The following PRKCZ variants were observed in gnomAD, a reference collection of about 807,000 sequenced individuals.
PRKCZ encodes protein kinase C zeta.
In PRKCZ, 33 loss-of-function variants were observed where a neutral mutation model predicts 79.5. The observed-to-expected ratio is 0.41, with a 90% CI of 0.31 to 0.55. PRKCZ has a LOEUF of 0.55. PRKCZ is among the 20% of genes least tolerant of loss of function. PRKCZ has a pLI of 0.19. For synonymous variants in PRKCZ, 342 were observed against 320.9 expected (o/e 1.07, Z -0.70); for missense variants, 578 against 813.5 (o/e 0.71, Z 3.52).
At chr1:2,102,450 A>G (rs1053088192) in intron 4 of PRKCZ, among the ~76,000 whole-genome samples, 5 of 151,706 alleles carry the variant, frequency 3.3e-5, no homozygotes, top group African/African-American at 1.2e-4. Context: ...CTCCTGCCTC[A>G]GCCTCCCGAG....
At chr1:2,163,765 G>T (rs1682782021) in intron 10 of PRKCZ, among the ~76,000 whole-genome samples, 1 of 152,086 alleles carries the variant, frequency 6.6e-6, no homozygotes, top group Admixed American at 6.5e-5. Context: ...CAGGTGTGGT[G>T]GTGGGTGCCT....
At chr1:2,132,194 T>G (rs928769257) in intron 4 of PRKCZ, among the ~76,000 whole-genome samples, 4 of 152,190 alleles carry the variant, frequency 2.6e-5, no homozygotes, top group Admixed American at 6.5e-5. Flanking sequence ...GGGTTTGATT[T>G]TTGGTGTTTC....
At position 2,074,458 on chromosome 1, in the gene PRKCZ, G is replaced by A. The variant is rs1002216752; in HGVS notation, c.334+14867G>A. Among the ~76,000 whole-genome samples, 8 of 152,192 alleles carry A rather than the reference G, an allele frequency of 5.3e-5. No homozygotes were observed. The South Asian group carries it at 6.2e-4, about 12-fold the overall frequency. ...TCTGTGGGTCTGTCGGGGCCAGGAC[G>A]GATGGCCGCTTCGTCTCCATTCTGC... is the stretch of plus-strand genomic sequence containing the variant. On this transcript the variant is annotated intron_variant, in intron 4 of 17. Transcript: ENST00000378567.
At chr1:2,071,447 G>T (rs1661580833) in intron 4 of PRKCZ, 2 of 299,982 alleles carry the variant, frequency 6.7e-6, no homozygotes, top group South Asian at 4.9e-5. Flanking sequence ...TGGGTGGGCG[G>T]GTTACCACGG....
intron 2 of PRKCZ, 43 bp downstream of exon 2, chr1:2,055,605 G>C: frequency 6.3e-7 from 1 of 1,589,588 alleles, no homozygotes; most frequent in Non-Finnish European, 8.6e-7. Context: ...AGCCTCAGGG[G>C]ACTTCGCCAG....
chr1:2,135,081 G>A (rs1675903856), intron 4 of PRKCZ, 181 bp from the exon 5 acceptor site: 1 of 544,524 alleles, frequency 1.8e-6, no homozygotes, highest in Admixed American at 3.4e-5. Context: ...ACACCATGAG[G>A]ATCATGTGAG....
In PRKCZ at chr1:2,145,945, G is replaced by C. The variant is rs113773562; in HGVS notation, c.553-82G>C. 430 of 1,279,428 alleles carry C rather than the reference G, an allele frequency of 3.4e-4. 1 individual carries two copies. The African/African-American group carries it at 5.7e-3, about 17-fold the overall frequency. 79.3% of individuals were successfully genotyped at this position (1,279,428 alleles called of 1,614,324 possible). On this transcript the variant is annotated intron_variant, in intron 6 of 17. Coordinates refer to ENST00000378567, the MANE Select transcript of PRKCZ (RefSeq NM_002744.6). ...AAAAAAAAGTTCTTAATTTTAAAAA[G>C]TCACAAAGTGTTTACAGAAGCTACA...
At position 2,171,304 on chromosome 1, in the gene PRKCZ, T is replaced by A. The variant is rs574024835; in HGVS notation, c.1062-751T>A. 4.4e-4 allele frequency among the ~76,000 whole-genome samples: 64 copies of A among 144,642 alleles called. 1 individual carries two copies. The highest frequency in any genetic ancestry group is 7.2e-3 in the Middle Eastern group (2 of 278). The allele number at this position is 144,642 out of a possible 152,430, so 94.9% of individuals were successfully genotyped here. A position where few individuals can be genotyped will look rare whatever the true frequency, so the allele number is the denominator to read the frequency against. ...TTACAGTGAGCCAAGATCGCGCCAT[T>A]GCACTCCAGCCTGGGTGACAGAGTG... On this transcript the variant is annotated intron_variant, in intron 11 of 17. Coordinates refer to ENST00000378567, the MANE Select transcript of PRKCZ (RefSeq NM_002744.6).
In PRKCZ at chr1:2,131,477, A is replaced by G. The variant is rs745861855; in HGVS notation, c.335-3785A>G. 2.8e-4 allele frequency among the ~76,000 whole-genome samples: 43 copies of G among 152,210 alleles called. 1 individual carries two copies. The highest frequency in any genetic ancestry group is 5.1e-4 in the Non-Finnish European group (35 of 68,034). The stretch of plus-strand genomic sequence containing the variant: ...AGTTCAAAACCAACCCTTAAAGTTT[A>G]AAAAGTGAGATGGGATATTTGAAGG... On this transcript the variant is annotated intron_variant, in intron 4 of 17. Coordinates refer to ENST00000378567, the MANE Select transcript of PRKCZ (RefSeq NM_002744.6).
At chr1:2,076,796 G>A (rs1277313056) in intron 4 of PRKCZ, among the ~76,000 whole-genome samples, 9 of 151,812 alleles carry the variant, frequency 5.9e-5, no homozygotes, top group East Asian at 5.8e-4. Flanking sequence ...TGAACCAGTC[G>A]GTCGTCCAGT....
chr1:2,165,090 T>G lies in PRKCZ; in HGVS notation c.975-4428T>G, dbSNP rs551796277. On this transcript the variant is annotated intron_variant, in intron 10 of 17. Transcript: ENST00000378567. This position sits in a 1 kb window ranked among gnomAD's most constrained non-coding sequence, Gnocchi z 4.1. ...CTGGGCACTTTCTGGCCTTTTATCT[T>G]TGATGGAGAAATCCGAGGCCTGCCA... Among the ~76,000 whole-genome samples the G allele has an allele frequency of 2.6e-5, 4 of 152,360 alleles. No individual in the cohort carries two copies. Among genetic ancestry groups the G allele is most frequent in the Middle Eastern group, 6.8e-3 (2 of 294 alleles).
chr1:2,107,446 A>G (rs531261285), intron 4 of PRKCZ, among the ~76,000 whole-genome samples: 1 of 152,338 alleles, frequency 6.6e-6, no homozygotes, highest in African/African-American at 2.4e-5. Context: ...TGACTGATGC[A>G]TGTGGGGGCT....
At chr1:2,132,421 C>G (rs1675169616) in intron 4 of PRKCZ, among the ~76,000 whole-genome samples, 1 of 152,196 alleles carries the variant, frequency 6.6e-6, no homozygotes, top group African/African-American at 2.4e-5. Context: ...GCAAATGGTC[C>G]TCGTTTCTGA....
chr1:2,103,974 C>A (rs1356294551), intron 4 of PRKCZ, among the ~76,000 whole-genome samples: 1 of 152,222 alleles, frequency 6.6e-6, no homozygotes, highest in South Asian at 2.1e-4. Context: ...TGGACCCCTG[C>A]CCAACATTTG....
At chr1:2,104,977 C>T in intron 4 of PRKCZ, 1 of 960,412 alleles carries the variant, frequency 1.0e-6, no homozygotes, top group Non-Finnish European at 1.2e-6. Context: ...CTCACCCCGA[C>T]AGCCACCCTG....
intron 4 of PRKCZ, among the ~76,000 whole-genome samples, chr1:2,113,833 G>T (rs1670213333): frequency 6.6e-6 from 1 of 152,082 alleles, no homozygotes; most frequent in Non-Finnish European, 1.5e-5. Flanking sequence ...CAAGGAGGAG[G>T]GAGGTCAAGG....
At chr1:2,071,320 G>C in intron 4 of PRKCZ, 1 of 469,246 alleles carries the variant, frequency 2.1e-6, no homozygotes, top group Non-Finnish European at 4.2e-6. Flanking sequence ...TGGGAAGAGA[G>C]CGGCCCCACC....
chr1:2,182,179 C>T (rs780862102), intron 16 of PRKCZ: 3 of 221,032 alleles, frequency 1.4e-5, no homozygotes, highest in Non-Finnish European at 1.9e-5. Flanking sequence ...GTTTTTTCCA[C>T]GATTCCGTTC....
intron 4 of PRKCZ, among the ~76,000 whole-genome samples, chr1:2,087,580 T>C (rs530857628): frequency 1.7e-4 from 26 of 152,286 alleles, no homozygotes; most frequent in African/African-American, 3.6e-4. Context: ...GATGCTCTTA[T>C]TTTTGCATTA....
Sources: allele counts gnomAD v4.1 joint callset (sites outside exome capture counted in the v4.1 genomes callset), GRCh38; gene constraint gnomAD v4.1.1; non-coding constraint Gnocchi (gnomAD v3.1); transcripts MANE v1.5; gene names NCBI Gene and HGNC (gene_info 2026-07-23, HGNC 2026-07-21).